CPED1: variants seen among roughly 807,000 people sequenced by gnomAD.
CPED1 encodes cadherin like and PC-esterase domain containing 1.
In CPED1, 114 loss-of-function variants were observed where a neutral mutation model predicts 128.2. The observed-to-expected ratio is 0.89, with a 90% confidence interval of 0.76 to 1.04. CPED1 has a LOEUF of 1.04. CPED1 is among the 50% of genes least tolerant of loss of function. CPED1 has a pLI of 0.00. For synonymous variants in CPED1, 462 were observed against 426.7 expected (o/e 1.08, Z -1.02); for missense variants, 1,211 against 1,207.1 (o/e 1.00, Z -0.05).
intron 16 of CPED1, among the ~76,000 whole-genome samples, chr7:121,154,962 C>T (rs1036474609): frequency 2.0e-5 from 3 of 152,082 alleles, no homozygotes; most frequent in African/African-American, 7.2e-5. Flanking sequence ...TGATCTTATA[C>T]CTAGAAAATC....
chr7:121,244,271 A>C lies in CPED1; in HGVS notation c.2243A>C (p.Gln748Pro), dbSNP rs1329824254. The change falls in exon 18 of 23, where the codon CAG (glutamine) becomes CCG (proline). Residue 748 changes from glutamine to proline, a missense_variant. Transcript: ENST00000310396. ...RTCDWREITW[Q>P]PHNCQYGVLT... The stretch of plus-strand genomic sequence containing the variant: ...TGTGACTGGAGAGAAATAACCTGGC[A>C]GCCCCACAACTGCCAATATGGTGTC... 6.2e-7 allele frequency: 1 copy of C among 1,614,154 alleles called. No homozygotes were observed.
chr7:121,274,761 C>A (rs535987904), intron 22 of CPED1, among the ~76,000 whole-genome samples: 101 of 152,258 alleles, frequency 6.6e-4, no homozygotes, highest in African/African-American at 2.3e-3. Context: ...CATCACCTAA[C>A]ATCTTAACAG....
chr7:121,024,563 A>C (rs1406391521), intron 3 of CPED1, among the ~76,000 whole-genome samples: 2 of 152,200 alleles, frequency 1.3e-5, no homozygotes, highest in Non-Finnish European at 2.9e-5. Flanking sequence ...AAATGTTTAA[A>C]TATAACTTTG....
rs774076420 is a variant in CPED1 at position 121,097,712 on chromosome 7, A to G, written c.630A>G (p.Pro210=). The G allele has an allele frequency of 1.7e-5, 28 of 1,613,542 alleles. No individual in the cohort carries two copies. The highest frequency in any genetic ancestry group is 2.2e-5 in the Non-Finnish European group (26 of 1,179,744). The change falls in exon 6 of 23, where the codon CCA becomes CCG. Residue 210 remains proline (P), a synonymous_variant. Coordinates refer to ENST00000310396, the MANE Select transcript of CPED1 (RefSeq NM_024913.5). Reference sequence around the variant, plus strand: ...GAATCTTTTCAGAACTGCAACTTCCAGTGAGTCCCTCTGTGTGTCTGGATC... The same window carrying G: ...GAATCTTTTCAGAACTGCAACTTCCGGTGAGTCCCTCTGTGTGTCTGGATC... The part of the protein sequence containing the change: ...IVRRFPELQL[P]VSPSVCLDQG...
At chr7:121,152,979 C>G (rs533852156) in intron 16 of CPED1, among the ~76,000 whole-genome samples, 2 of 151,974 alleles carry the variant, frequency 1.3e-5, no homozygotes, top group East Asian at 1.9e-4. Context: ...ATTTTATTAG[C>G]GGTCTCAGAA....
intron 16 of CPED1, among the ~76,000 whole-genome samples, chr7:121,171,501 G>T (rs1179696637): frequency 6.6e-6 from 1 of 152,138 alleles, no homozygotes; most frequent in Non-Finnish European, 1.5e-5. Flanking sequence ...GTCACTAGAA[G>T]AATGCATTTT....
At position 121,266,531 on chromosome 7, in the gene CPED1, G is replaced by A. The variant is rs558360595; in HGVS notation, c.2531+84G>A. On this transcript the variant is annotated intron_variant, in intron 19 of 22. Coordinates refer to ENST00000310396, the MANE Select transcript of CPED1 (RefSeq NM_024913.5). ...AGTCGTCACTGCTCAACTACTCACT[G>A]TACATCAAATGTGCTCAAAAGGTTA... 1.3e-5 allele frequency: 16 copies of A among 1,270,524 alleles called. No homozygotes were observed. In the South Asian group the frequency reaches 1.3e-4, roughly 11 times the overall value. The allele number at this position is 1,270,524 out of a possible 1,614,324, so 78.7% of individuals were successfully genotyped here.
chr7:121,135,810 A>G (rs1349190484), intron 13 of CPED1, among the ~76,000 whole-genome samples: 1 of 152,056 alleles, frequency 6.6e-6, no homozygotes, highest in Non-Finnish European at 1.5e-5. Flanking sequence ...TGGCATTTAG[A>G]CCATTCATTT....
chr7:120,993,595 T>C (rs1796344744), intron 2 of CPED1, among the ~76,000 whole-genome samples: 1 of 152,224 alleles, frequency 6.6e-6, no homozygotes, highest in Non-Finnish European at 1.5e-5. Context: ...ATTTAACATT[T>C]GAAAATTTCT....
Position 121,130,140 on chromosome 7 carries a change from A to G in CPED1, c.1423A>G (p.Thr475Ala). ...GTGTTCTCAGCTCTTCCCATCTACTACTCCTGGGATTCAGTCACTGATGCA... is the reference window on the plus strand; with the variant it reads ...GTGTTCTCAGCTCTTCCCATCTACTGCTCCTGGGATTCAGTCACTGATGCA... The part of the protein sequence containing the change: ...GQFQLLFPST[T>A]PGIQSLMHEF... The change falls in exon 12 of 23, where the codon ACT (threonine) becomes GCT (alanine). Residue 475 changes from threonine to alanine, a missense_variant. Coordinates refer to ENST00000310396, the MANE Select transcript of CPED1 (RefSeq NM_024913.5). 8 of 1,611,972 alleles carry G rather than the reference A, an allele frequency of 5.0e-6. No homozygotes were observed. The highest frequency in any genetic ancestry group is 5.9e-6 in the Non-Finnish European group (7 of 1,178,534).
chr7:121,107,587 G>C (rs1474915954), intron 7 of CPED1, among the ~76,000 whole-genome samples: 1 of 152,048 alleles, frequency 6.6e-6, no homozygotes, highest in Non-Finnish European at 1.5e-5. Context: ...TTACAAAGTG[G>C]TATGTGGGTG....
chr7:121,237,927 G>A (rs1798297281), intron 17 of CPED1, among the ~76,000 whole-genome samples: 1 of 152,078 alleles, frequency 6.6e-6, no homozygotes, highest in African/African-American at 2.4e-5. Flanking sequence ...TGTGTCAGGT[G>A]GTGTGATTTG....
intron 5 of CPED1, among the ~76,000 whole-genome samples, chr7:121,071,940 T>C (rs950526420): frequency 3.9e-5 from 6 of 152,088 alleles, no homozygotes; most frequent in Non-Finnish European, 8.8e-5. Flanking sequence ...CACTTTATAA[T>C]CACTTTCTTT....
intron 5 of CPED1, among the ~76,000 whole-genome samples, chr7:121,084,109 C>T (rs1357272294): frequency 6.6e-6 from 1 of 152,076 alleles, no homozygotes; most frequent in Non-Finnish European, 1.5e-5. Flanking sequence ...ATTTCTTTGC[C>T]TCTACCTACA....
At chr7:121,096,349 G>A (rs1257803901) in intron 5 of CPED1, among the ~76,000 whole-genome samples, 1 of 152,066 alleles carries the variant, frequency 6.6e-6, no homozygotes, top group Non-Finnish European at 1.5e-5. Flanking sequence ...GATGAAATGT[G>A]CACAAAGGGG....
At chr7:121,191,124 G>A (rs926325945) in intron 16 of CPED1, among the ~76,000 whole-genome samples, 1 of 152,146 alleles carries the variant, frequency 6.6e-6, no homozygotes, top group Admixed American at 6.6e-5. Flanking sequence ...CAAAATATTA[G>A]AGGATAGGTG....
chr7:121,253,512 T>G (rs1798736865), intron 18 of CPED1, among the ~76,000 whole-genome samples: 1 of 151,828 alleles, frequency 6.6e-6, no homozygotes, highest in Non-Finnish European at 1.5e-5. Context: ...TGTAAAGCAA[T>G]TACACAATCT....
At chr7:121,173,061 C>A (rs1395624655) in intron 16 of CPED1, among the ~76,000 whole-genome samples, 1 of 152,094 alleles carries the variant, frequency 6.6e-6, no homozygotes, top group Non-Finnish European at 1.5e-5. Flanking sequence ...TTTTGTTGGG[C>A]AGCTGACAGG....
chr7:121,258,118 GTGC>G (rs1791926944), intron 18 of CPED1, among the ~76,000 whole-genome samples: 1 of 152,086 alleles, frequency 6.6e-6, no homozygotes. Context: ...CAGATTAACT[GTGC>G]TGCCCCATAT....
Sources: allele counts gnomAD v4.1 joint callset (sites outside exome capture counted in the v4.1 genomes callset), GRCh38; gene constraint gnomAD v4.1.1; transcripts MANE v1.5; gene names NCBI Gene and HGNC (gene_info 2026-07-23, HGNC 2026-07-21).